Variants in PLB1 observed in about 807,000 individuals in gnomAD.
PLB1 encodes phospholipase B1, membrane-associated.
Under a neutral mutation model 227.4 loss-of-function variants are expected in PLB1, and 242 were observed. The ratio of observed to expected loss-of-function variants is 1.06; its 90% CI spans 0.96 to 1.18. The LOEUF (loss-of-function observed/expected upper bound fraction) is 1.18. PLB1 is among the 50% of genes most tolerant of loss of function. The pLI, the probability that PLB1 is intolerant of heterozygous loss-of-function variation, is 0.00. For missense variants in PLB1, 1,858 were observed against 1,816.3 expected, an observed-to-expected ratio of 1.02 and a Z score of -0.42; for synonymous variants, 757 against 682.2, an observed-to-expected ratio of 1.11 and a Z score of -1.71.
chr2:28,634,857 G>C (rs114658897), intron 56 of PLB1, among the ~76,000 whole-genome samples: 1 of 151,960 alleles, frequency 6.6e-6, no homozygotes, highest in Non-Finnish European at 1.5e-5. Context: ...GCTGCAATGA[G>C]CCGAGATGGC....
chr2:28,576,087 T>C (rs1013594771), intron 21 of PLB1, among the ~76,000 whole-genome samples: 1 of 148,424 alleles, frequency 6.7e-6, no homozygotes, highest in African/African-American at 2.5e-5. Flanking sequence ...GTGATTCATA[T>C]GGCCCTGGGT....
At position 28,564,664 on chromosome 2, in the gene PLB1, G is replaced by T. The variant is rs141509341; in HGVS notation, c.1207-616G>T. Among the ~76,000 whole-genome samples the T allele has an allele frequency of 6.7e-3, 1,022 of 152,296 alleles. 4 individuals carry two copies. Among genetic ancestry groups the T allele is most frequent in the Non-Finnish European group, 0.012 (791 of 68,012 alleles). ...GGTAGCAAAGGAACTGGGCACCAGA[G>T]AGCAGGGATCACACCTGGGGGGCCT... is the stretch of plus-strand genomic sequence containing the variant. On this transcript the variant is annotated intron_variant, in intron 18 of 57. Transcript: ENST00000327757.
At chr2:28,570,711 G>A (rs995150399) in intron 20 of PLB1, among the ~76,000 whole-genome samples, 1 of 152,210 alleles carries the variant, frequency 6.6e-6, no homozygotes, top group African/African-American at 2.4e-5. Context: ...GCTTGAGCCT[G>A]GGAGGCAGAG....
intron 31 of PLB1, among the ~76,000 whole-genome samples, chr2:28,592,096 C>G (rs1481500851): frequency 6.6e-6 from 1 of 152,198 alleles, no homozygotes; most frequent in Admixed American, 6.5e-5. Flanking sequence ...CTCTGTGGCC[C>G]TAGGCTCTGC....
intron 21 of PLB1, among the ~76,000 whole-genome samples, chr2:28,577,324 C>T (rs1476356958): frequency 6.6e-6 from 1 of 152,178 alleles, no homozygotes; most frequent in Non-Finnish European, 1.5e-5. Flanking sequence ...ATTTAAGTCA[C>T]TTTCACACTG....
chr2:28,537,121 C>G (rs757340453), intron 9 of PLB1, among the ~76,000 whole-genome samples: 1 of 152,142 alleles, frequency 6.6e-6, no homozygotes, highest in Non-Finnish European at 1.5e-5. Flanking sequence ...CTGGCTGACC[C>G]GGCCTCCCAG....
chr2:28,497,568 A>C (rs981379791), intron 1 of PLB1, among the ~76,000 whole-genome samples: 9 of 152,220 alleles, frequency 5.9e-5, no homozygotes, highest in African/African-American at 2.2e-4. Flanking sequence ...AGAGCAAAAA[A>C]TAGAGAAGAT....
At chr2:28,585,673 T>C in intron 25 of PLB1, 88 bp from the exon 26 acceptor site, 2 of 1,086,010 alleles carry the variant, frequency 1.8e-6, no homozygotes, top group Non-Finnish European at 2.8e-6. Flanking sequence ...AAAAGAAATG[T>C]ATTGAGTCTC....
chr2:28,603,024 A>ATG (rs1386050057), intron 39 of PLB1, 103 bp downstream of exon 39: 2 of 1,024,144 alleles, frequency 2.0e-6, no homozygotes, highest in Non-Finnish European at 3.0e-6. Flanking sequence ...TGGTCTATCC[A>ATG]TGTGTCCAAG....
At chr2:28,582,243 C>A in intron 24 of PLB1, 110 bp downstream of exon 24, 1 of 1,329,650 alleles carries the variant, frequency 7.5e-7, no homozygotes, top group Non-Finnish European at 1.1e-6. Context: ...TTGTGGATCC[C>A]AGCCCAAATG....
chr2:28,535,537 C>G (rs1278272569), intron 9 of PLB1, among the ~76,000 whole-genome samples: 1 of 152,242 alleles, frequency 6.6e-6, no homozygotes, highest in Non-Finnish European at 1.5e-5. Flanking sequence ...TGTAGCTCAG[C>G]ATCCTTGTTT....
intron 57 of PLB1, among the ~76,000 whole-genome samples, 161 bp from the exon 58 acceptor site, chr2:28,642,697 G>A (rs570403215): frequency 3.9e-5 from 6 of 152,326 alleles, no homozygotes; most frequent in African/African-American, 1.4e-4. Flanking sequence ...GCTAAAGAGG[G>A]TTTGGGCACA....
At chr2:28,510,140 A>G (rs1668068555) in intron 1 of PLB1, among the ~76,000 whole-genome samples, 1 of 152,232 alleles carries the variant, frequency 6.6e-6, no homozygotes, top group Admixed American at 6.5e-5. Context: ...CTATGCTGAA[A>G]TTATAACTAA....
chr2:28,564,167 A>G (rs1042097228), intron 18 of PLB1, among the ~76,000 whole-genome samples: 3 of 152,232 alleles, frequency 2.0e-5, no homozygotes, highest in African/African-American at 7.2e-5. Context: ...ACTTGAGCTC[A>G]GGATTTCGAG....
At chr2:28,526,002 C>T in intron 6 of PLB1, 57 bp downstream of exon 6, 1 of 1,589,124 alleles carries the variant, frequency 6.3e-7, no homozygotes, top group Non-Finnish European at 8.6e-7. Flanking sequence ...CCCAACACAG[C>T]AGCATCCTCT....
chr2:28,545,886 T>C (rs1382474617), intron 14 of PLB1, among the ~76,000 whole-genome samples: 1 of 151,632 alleles, frequency 6.6e-6, no homozygotes. Flanking sequence ...TCACAGGGAG[T>C]CCAGGTCCAT....
intron 17 of PLB1, among the ~76,000 whole-genome samples, chr2:28,560,639 C>T (rs567037180): frequency 4.7e-4 from 72 of 151,844 alleles, no homozygotes; most frequent in African/African-American, 1.7e-3. Context: ...GACCTTGTCT[C>T]GAAAAATAAA....
chr2:28,585,943 G>C (rs954139392), intron 26 of PLB1, 101 bp downstream of exon 26: 2 of 1,077,604 alleles, frequency 1.9e-6, no homozygotes, highest in Non-Finnish European at 2.8e-6. Context: ...GACCCTGTGT[G>C]GGGGATGACC....
chr2:28,618,946 A>C (rs751173587), intron 46 of PLB1, among the ~76,000 whole-genome samples: 10 of 152,250 alleles, frequency 6.6e-5, no homozygotes, highest in Non-Finnish European at 1.3e-4. Context: ...AAACACAGTC[A>C]TAGCCCCCCA....
Sources: gnomAD v4.1 joint callset for allele counts (sites outside exome capture counted in the v4.1 genomes callset) on GRCh38, gnomAD v4.1.1 for gene constraint, MANE v1.5 for transcripts, NCBI Gene and HGNC (gene_info 2026-07-23, HGNC 2026-07-21) for gene names.